The following CCDC138 variants were observed in gnomAD, a reference collection of about 807,000 sequenced individuals.
The protein encoded by CCDC138 is coiled-coil domain containing 138.
A neutral mutation model predicts 82.3 loss-of-function variants in CCDC138; 66 were observed. The observed-to-expected ratio is 0.80, with a 90% CI of 0.66 to 0.98. The LOEUF (loss-of-function observed/expected upper bound fraction) is 0.98. Ranked by LOEUF, CCDC138 falls within the 50% of genes least tolerant of loss-of-function variation. The pLI is 0.00. For missense variants in CCDC138, 816 were observed against 758.9 expected (o/e 1.08, Z -0.88); for synonymous variants, 297 against 265.4 (o/e 1.12, Z -1.16).
intron 7 of CCDC138, among the ~76,000 whole-genome samples, chr2:108,805,230 A>G (rs1682660963): frequency 6.6e-6 from 1 of 152,172 alleles, no homozygotes; most frequent in Admixed American, 6.5e-5. Flanking sequence ...AACAAAAGAA[A>G]AAAACCTGAT....
In CCDC138 at chr2:108,856,907, A is replaced by T; in HGVS notation, c.1630A>T (p.Ile544Leu). The change falls in exon 13 of 15, where the codon ATA (isoleucine) becomes TTA (leucine). Residue 544 changes from isoleucine (I) to leucine (L), a missense_variant. Physicochemically the swap from Ile to Leu is conservative, Grantham distance 5. Coordinates refer to ENST00000295124, the MANE Select transcript of CCDC138 (RefSeq NM_144978.3). The part of the protein sequence containing the change: ...AVPVILSHLR[I>L]SSKGLLSNVI... The stretch of plus-strand genomic sequence containing the variant: ...TCCAGTAATATTAAGTCATCTAAGA[A>T]TATCCAGTAAAGGACTCCTGTCTAA... The T allele has an allele frequency of 6.2e-7, 1 of 1,613,390 alleles. No individual in the cohort carries two copies. Among genetic ancestry groups the T allele is most frequent in the Non-Finnish European group, 8.5e-7 (1 of 1,179,672 alleles).
At chr2:108,794,801 AT>A in intron 5 of CCDC138, 80 bp downstream of exon 5, 1 of 628,056 alleles carries the variant, frequency 1.6e-6, no homozygotes, top group Non-Finnish European at 2.4e-6. Context: ...TGAATATAAT[AT>A]ATTTCATTTT....
intron 12 of CCDC138, 132 bp from the exon 13 acceptor site, chr2:108,856,662 C>G: frequency 1.3e-6 from 1 of 767,884 alleles, no homozygotes; most frequent in Admixed American, 2.7e-5. Flanking sequence ...TAAATTTAGA[C>G]TGTGATCTCT....
At chr2:108,850,188 A>T (rs183364566) in intron 12 of CCDC138, among the ~76,000 whole-genome samples, 80 of 152,336 alleles carry the variant, frequency 5.3e-4, no homozygotes, top group Non-Finnish European at 7.1e-4. Flanking sequence ...AAAACTCTTA[A>T]ATCCTAAGAG....
intron 5 of CCDC138, 97 bp downstream of exon 5, chr2:108,794,818 CT>C: frequency 3.1e-6 from 3 of 970,302 alleles, no homozygotes; most frequent in Non-Finnish European, 4.5e-6. Context: ...ATTTTAATTA[CT>C]TTAGATAAGT....
intron 12 of CCDC138, among the ~76,000 whole-genome samples, chr2:108,853,004 C>T (rs1360506811): frequency 6.6e-6 from 1 of 152,196 alleles, no homozygotes; most frequent in Non-Finnish European, 1.5e-5. Flanking sequence ...TTTTGAAATG[C>T]ATTCTGCTCA....
At position 108,856,931 on chromosome 2, in the gene CCDC138, A is replaced by G; in HGVS notation, c.1654A>G (p.Asn552Asp). Residue 552 changes from asparagine (N) to aspartate (D), a missense_variant, in exon 13 of 15, where the codon AAT (asparagine) becomes GAT (aspartate). Asn to Asp is a conservative substitution (Grantham distance 23, BLOSUM62 1). Transcript: ENST00000295124. ...AATATCCAGTAAAGGACTCCTGTCT[A>G]ATGTTATTGATAGTTTGCTCCAGAT... is the stretch of plus-strand genomic sequence containing the variant. ...LRISSKGLLS[N>D]VIDSLLQMTV... is the part of the protein sequence containing the mutation. The G allele has an allele frequency of 6.2e-7, 1 of 1,611,890 alleles. No individual in the cohort carries two copies. The highest frequency in any genetic ancestry group is 8.5e-7 in the Non-Finnish European group (1 of 1,179,130).
intron 7 of CCDC138, among the ~76,000 whole-genome samples, chr2:108,812,269 A>G (rs1425147158): frequency 2.0e-5 from 3 of 152,134 alleles, no homozygotes; most frequent in Admixed American, 6.5e-5. Context: ...CAGTAATGCA[A>G]TCCCAGTTAT....
chr2:108,873,763 C>T (rs552891699), intron 14 of CCDC138, among the ~76,000 whole-genome samples, 174 bp downstream of exon 14: 1 of 152,232 alleles, frequency 6.6e-6, no homozygotes, highest in Non-Finnish European at 1.5e-5. Context: ...AAAAACAAAA[C>T]AAAACCTCAT....
intron 2 of CCDC138, chr2:108,885,040 T>C (rs1253450696): frequency 6.6e-6 from 1 of 152,248 alleles, no homozygotes; most frequent in African/African-American, 2.4e-5. Flanking sequence ...AGAGAATTAA[T>C]ACTGAGAGAT....
chr2:108,811,334 T>A (rs1574018822), intron 7 of CCDC138, among the ~76,000 whole-genome samples: 1 of 142,700 alleles, frequency 7.0e-6, no homozygotes, highest in Non-Finnish European at 1.5e-5. Context: ...AGCCTTAACC[T>A]CCAGGGCTTA....
At chr2:108,810,077 A>T (rs1448890664) in intron 7 of CCDC138, among the ~76,000 whole-genome samples, 1 of 152,140 alleles carries the variant, frequency 6.6e-6, no homozygotes, top group Non-Finnish European at 1.5e-5. Context: ...TATTGCTGAG[A>T]TTACAGGCAT....
intron 7 of CCDC138, among the ~76,000 whole-genome samples, chr2:108,809,985 T>C (rs1269275063): frequency 6.6e-6 from 1 of 152,148 alleles, no homozygotes; most frequent in Non-Finnish European, 1.5e-5. Context: ...TTTGTACTTT[T>C]AGTAGAGACG....
chr2:108,819,447 A>C lies in CCDC138; in HGVS notation c.1206+3342A>C, dbSNP rs993861287. Reference sequence around the variant, plus strand: ...CACTCAGAGTGCTGAAGGGAATGGTAGCATAGTTTGGAAGCTGCAGGAAAC... The same window carrying C: ...CACTCAGAGTGCTGAAGGGAATGGTCGCATAGTTTGGAAGCTGCAGGAAAC... On this transcript the variant is annotated intron_variant, in intron 10 of 14. Transcript: ENST00000295124. Among the ~76,000 whole-genome samples, 4 of 152,306 alleles carry C rather than the reference A, an allele frequency of 2.6e-5. No individual in the cohort carries two copies. The East Asian group carries it at 7.7e-4, about 29-fold the overall frequency.
chr2:108,842,650 G>C (rs1360251453), intron 11 of CCDC138, among the ~76,000 whole-genome samples: 2 of 152,130 alleles, frequency 1.3e-5, no homozygotes, highest in East Asian at 3.9e-4. Flanking sequence ...TATTCCATAG[G>C]GAAGTGGTCA....
intron 12 of CCDC138, among the ~76,000 whole-genome samples, chr2:108,850,324 A>T (rs111988267): frequency 2.0e-5 from 3 of 152,210 alleles, no homozygotes; most frequent in African/African-American, 7.2e-5. Flanking sequence ...GATGCATTGG[A>T]TACTACACAT....
intron 10 of CCDC138, among the ~76,000 whole-genome samples, chr2:108,823,996 T>TG (rs143175891): frequency 2.7e-5 from 4 of 146,010 alleles, no homozygotes; most frequent in South Asian, 4.4e-4. Flanking sequence ...AAGGGAGGGG[T>TG]GGGGGGTACA....
At chr2:108,871,272 C>T (rs1695196006) in intron 13 of CCDC138, among the ~76,000 whole-genome samples, 1 of 150,232 alleles carries the variant, frequency 6.7e-6, no homozygotes, top group Admixed American at 6.7e-5. Flanking sequence ...GTGTCTCATG[C>T]CTGTAATCCC....
intron 10 of CCDC138, among the ~76,000 whole-genome samples, chr2:108,835,617 T>G (rs997386912): frequency 6.6e-6 from 1 of 152,274 alleles, no homozygotes; most frequent in African/African-American, 2.4e-5. Flanking sequence ...GTAAGTCTTT[T>G]TCTGGTCCAC....
Sources: gnomAD v4.1 joint callset for allele counts (sites outside exome capture counted in the v4.1 genomes callset) on GRCh38, gnomAD v4.1.1 for gene constraint, MANE v1.5 for transcripts, NCBI Gene and HGNC (gene_info 2026-07-23, HGNC 2026-07-21) for gene names.